CILK1: variants seen among roughly 807,000 people sequenced by gnomAD.
CILK1 encodes ciliogenesis associated kinase 1, also known as serine/threonine-protein kinase ICK.
A neutral mutation model predicts 79.2 loss-of-function variants in CILK1; 47 were observed. The observed-to-expected ratio is 0.59, with a 90% confidence interval of 0.47 to 0.76. The LOEUF is 0.76. Ranked by LOEUF, CILK1 falls within the 30% of genes least tolerant of loss-of-function variation. The pLI, the probability that CILK1 is intolerant of heterozygous loss-of-function variation, is 0.00. For synonymous variants in CILK1, 266 were observed against 275.9 expected (o/e 0.96, Z 0.36); for missense variants, 660 against 769.5 (o/e 0.86, Z 1.68).
intron 5 of CILK1, among the ~76,000 whole-genome samples, chr6:53,022,355 A>T (rs1003299177): frequency 5.9e-5 from 9 of 152,180 alleles, no homozygotes; most frequent in Non-Finnish European, 1.2e-4. Flanking sequence ...TTTTAAAAAA[A>T]TTTTTTATAC....
intron 4 of CILK1, among the ~76,000 whole-genome samples, chr6:53,032,154 G>GA (rs766661543): frequency 1.2e-3 from 176 of 152,282 alleles, no homozygotes; most frequent in Middle Eastern, 3.4e-3. Context: ...TCTAAAATAA[G>GA]AAAATGACTG....
At chr6:53,048,495 C>A (rs146857351) in intron 1 of CILK1, among the ~76,000 whole-genome samples, 2,053 of 152,328 alleles carry the variant, frequency 0.013, 47 homozygotes, top group Non-Finnish European at 0.014. Flanking sequence ...ACAGTCCAAT[C>A]TGAGCATATC....
intron 5 of CILK1, among the ~76,000 whole-genome samples, chr6:53,024,451 G>A (rs1765442303): frequency 6.6e-6 from 1 of 152,202 alleles, no homozygotes. Flanking sequence ...TAGCATAACT[G>A]AGTCATTGTG....
intron 2 of CILK1, among the ~76,000 whole-genome samples, chr6:53,040,564 C>G (rs551023033): frequency 3.3e-5 from 5 of 152,242 alleles, no homozygotes; most frequent in African/African-American, 4.8e-5. Flanking sequence ...TTGGCCAACA[C>G]CTTGACTACA....
chr6:53,011,387 C>CAGG (rs1354765555), intron 11 of CILK1, among the ~76,000 whole-genome samples: 2 of 152,148 alleles, frequency 1.3e-5, no homozygotes, highest in Non-Finnish European at 2.9e-5. Context: ...CATTTGAGAT[C>CAGG]AGGAGTTCAA....
intron 6 of CILK1, among the ~76,000 whole-genome samples, chr6:53,019,023 A>G (rs1456158565): frequency 6.6e-6 from 1 of 152,214 alleles, no homozygotes; most frequent in Non-Finnish European, 1.5e-5. Context: ...ATTATAGAAA[A>G]GCATAATAGG....
intron 7 of CILK1, among the ~76,000 whole-genome samples, chr6:53,017,972 C>T (rs528897615): frequency 6.6e-6 from 1 of 152,046 alleles, no homozygotes; most frequent in South Asian, 2.1e-4. Flanking sequence ...TCCCATAGAG[C>T]GTTGTAAACA....
chr6:53,024,029 T>C (rs1436574274), intron 5 of CILK1, among the ~76,000 whole-genome samples: 1 of 152,214 alleles, frequency 6.6e-6, no homozygotes, highest in Non-Finnish European at 1.5e-5. Flanking sequence ...ATCCAAGGCA[T>C]TGATGAGATC....
chr6:53,041,060 C>G, intron 2 of CILK1, 76 bp downstream of exon 2: 1 of 1,009,610 alleles, frequency 9.9e-7, no homozygotes, highest in Non-Finnish European at 1.6e-6. Context: ...ACCCACTCCC[C>G]TTTAGAACTG....
chr6:53,057,628 A>T (rs1283610353), intron 1 of CILK1: 2 of 152,232 alleles, frequency 1.3e-5, no homozygotes, highest in Non-Finnish European at 2.9e-5. Flanking sequence ...AATGCTAATT[A>T]ACATAGATTT....
At chr6:53,014,449 A>G (rs529722698) in intron 8 of CILK1, among the ~76,000 whole-genome samples, 1 of 152,242 alleles carries the variant, frequency 6.6e-6, no homozygotes, top group Non-Finnish European at 1.5e-5. Context: ...CAAAAGTGCC[A>G]AGAGTGTAAT....
chr6:53,021,374 T>C (rs1042832324), intron 5 of CILK1, among the ~76,000 whole-genome samples: 2 of 152,148 alleles, frequency 1.3e-5, no homozygotes, highest in African/African-American at 4.8e-5. Context: ...TGTCTCTTTC[T>C]ACTTTCTCAC....
intron 5 of CILK1, among the ~76,000 whole-genome samples, chr6:53,029,281 A>T (rs1243189280): frequency 6.6e-6 from 1 of 152,224 alleles, no homozygotes; most frequent in East Asian, 1.9e-4. Context: ...ATACCATGCC[A>T]GAAGTTTTTA....
At chr6:53,037,467 C>A (rs375951179) in intron 3 of CILK1, among the ~76,000 whole-genome samples, 2 of 152,300 alleles carry the variant, frequency 1.3e-5, no homozygotes, top group South Asian at 4.2e-4. Flanking sequence ...CTTCCCTCCC[C>A]TCTGTGTTCA....
At chr6:53,052,601 T>G (rs1767558958) in intron 1 of CILK1, among the ~76,000 whole-genome samples, 2 of 151,808 alleles carry the variant, frequency 1.3e-5, no homozygotes, top group Admixed American at 1.3e-4. Context: ...CGTGGTGGTG[T>G]ATGCCTGTAA....
chr6:53,016,463 G>A (rs188462102), intron 7 of CILK1, among the ~76,000 whole-genome samples: 2 of 152,124 alleles, frequency 1.3e-5, no homozygotes, highest in East Asian at 3.9e-4. Context: ...TGGGGGAATA[G>A]TGGAAAAGAC....
chr6:53,012,628 C>CT (rs1281516649), intron 9 of CILK1, among the ~76,000 whole-genome samples: 18 of 151,796 alleles, frequency 1.2e-4, no homozygotes, highest in Middle Eastern at 3.2e-3. Flanking sequence ...GCAAATAATG[C>CT]TTTTTTTTGC....
At chr6:53,017,680 A>AG (rs954204705) in intron 7 of CILK1, among the ~76,000 whole-genome samples, 3 of 152,206 alleles carry the variant, frequency 2.0e-5, no homozygotes, top group African/African-American at 7.2e-5. Context: ...CATTAGACAC[A>AG]GGGGGGTGAC....
intron 5 of CILK1, among the ~76,000 whole-genome samples, chr6:53,028,053 G>A (rs369653745): frequency 1.3e-5 from 2 of 150,638 alleles, no homozygotes; most frequent in South Asian, 4.2e-4. Context: ...AGGCTGAGGC[G>A]GGAGAATGGC....
Sources: gnomAD v4.1 joint callset for allele counts (sites outside exome capture counted in the v4.1 genomes callset) on GRCh38, gnomAD v4.1.1 for gene constraint, MANE v1.5 for transcripts, NCBI Gene and HGNC (gene_info 2026-07-23, HGNC 2026-07-21) for gene names.